The following EYA3 variants were observed in gnomAD, a reference collection of about 807,000 sequenced individuals.
The protein encoded by EYA3 is protein phosphatase EYA3.
EYA3 carries 39 observed loss-of-function variants against 80.0 expected under a neutral mutation model. The ratio of observed to expected loss-of-function variants is 0.49; its 90% CI spans 0.38 to 0.64. The LOEUF (loss-of-function observed/expected upper bound fraction) is 0.64, where lower values mean the gene tolerates loss of function less well. EYA3 is among the 30% of genes least tolerant of loss of function. EYA3 has a pLI of 0.00. For missense variants in EYA3, 523 were observed against 676.1 expected (o/e 0.77, Z 2.51); for synonymous variants, 206 against 232.8 (o/e 0.88, Z 1.05).
intron 16 of EYA3, among the ~76,000 whole-genome samples, chr1:27,984,116 C>T (rs148281531): frequency 6.6e-6 from 1 of 152,298 alleles, no homozygotes; most frequent in African/African-American, 2.4e-5. Flanking sequence ...TCACTGCAGC[C>T]TCCTTGAACT....
intron 7 of EYA3, 71 bp downstream of exon 7, chr1:28,027,718 G>A: frequency 6.3e-7 from 1 of 1,583,118 alleles, no homozygotes; most frequent in Non-Finnish European, 8.7e-7. Context: ...TTTGTTTGGA[G>A]ATACAGGTAG....
At chr1:27,990,035 G>A in intron 14 of EYA3, 1 of 215,110 alleles carries the variant, frequency 4.6e-6, no homozygotes, top group Non-Finnish European at 9.3e-6. Context: ...ATATAGGGGT[G>A]GGGTCAAAAG....
At chr1:27,992,799 T>C (rs1406143166) in intron 14 of EYA3, among the ~76,000 whole-genome samples, 1 of 152,216 alleles carries the variant, frequency 6.6e-6, no homozygotes, top group Non-Finnish European at 1.5e-5. Context: ...GACATCACTT[T>C]TCTCAACTGT....
At chr1:28,025,085 C>G (rs1642693019) in intron 7 of EYA3, among the ~76,000 whole-genome samples, 1 of 152,126 alleles carries the variant, frequency 6.6e-6, no homozygotes. Context: ...CATTCACTAT[C>G]CATGCTAAAA....
intron 10 of EYA3, among the ~76,000 whole-genome samples, chr1:28,007,583 T>C (rs1188117690): frequency 6.6e-6 from 1 of 152,018 alleles, no homozygotes; most frequent in Admixed American, 6.6e-5. Context: ...TCTGCCCACC[T>C]CAGCCTCCCA....
chr1:28,064,828 T>G (rs1408429419), intron 1 of EYA3, among the ~76,000 whole-genome samples: 1 of 152,092 alleles, frequency 6.6e-6, no homozygotes, highest in Non-Finnish European at 1.5e-5. Flanking sequence ...AAATTTTGTC[T>G]CCACAACTAA....
intron 2 of EYA3, among the ~76,000 whole-genome samples, chr1:28,051,564 A>G (rs1049264942): frequency 6.6e-6 from 1 of 151,990 alleles, no homozygotes; most frequent in Non-Finnish European, 1.5e-5. Flanking sequence ...GTGCACGCCT[A>G]TAATCTCAGC....
intron 14 of EYA3, among the ~76,000 whole-genome samples, chr1:27,993,162 T>C (rs911393297): frequency 3.9e-5 from 6 of 152,198 alleles, no homozygotes; most frequent in African/African-American, 1.4e-4. Flanking sequence ...TAAAAAGGCA[T>C]TTGTCCAAAG....
intron 1 of EYA3, among the ~76,000 whole-genome samples, chr1:28,078,609 G>C (rs1377466449): frequency 2.0e-5 from 3 of 152,084 alleles, no homozygotes; most frequent in African/African-American, 7.2e-5. Flanking sequence ...GCAGTGGCAT[G>C]ATCTCAGCTC....
intron 1 of EYA3, among the ~76,000 whole-genome samples, chr1:28,084,181 A>T (rs958565754): frequency 6.6e-6 from 1 of 152,100 alleles, no homozygotes; most frequent in African/African-American, 2.4e-5. Flanking sequence ...GAAAACAGCA[A>T]AGACAAATTT....
rs545741282 is a variant in EYA3 at position 27,989,365 on chromosome 1, A to G, written c.1418+332T>C. ...ACATTTCTTGGAGCTTCCTGTACCT[A>G]GGACATTGTAATAACATCTCCTCCA... On this transcript the variant is annotated intron_variant, in intron 15 of 17. Transcript: ENST00000373871. Among the ~76,000 whole-genome samples, 36 of 152,322 alleles carry G rather than the reference A, an allele frequency of 2.4e-4. No homozygotes were observed. The Middle Eastern group carries it at 0.01, about 43-fold the overall frequency.
chr1:27,977,279 A>G (rs1190434090), intron 17 of EYA3: 1 of 1,547,754 alleles, frequency 6.5e-7, no homozygotes. Context: ...CTGATTACCA[A>G]TCTCATAGTT....
At chr1:27,995,421 GAAAAA>G (rs55902170) in intron 13 of EYA3, among the ~76,000 whole-genome samples, 1 of 79,196 alleles carries the variant, frequency 1.3e-5, no homozygotes. Context: ...ATCTTAAAAG[GAAAAA>G]AAAAAAAAAA....
chr1:28,033,657 A>ATTTTTT (rs1267286529), intron 6 of EYA3, among the ~76,000 whole-genome samples: 1 of 125,838 alleles, frequency 7.9e-6, no homozygotes, highest in African/African-American at 2.9e-5. Context: ...TATTATTATT[A>ATTTTTT]TTATTATTAT....
intron 7 of EYA3, among the ~76,000 whole-genome samples, chr1:28,019,451 G>T (rs901009695): frequency 2.0e-5 from 3 of 152,092 alleles, no homozygotes; most frequent in Admixed American, 2.0e-4. Flanking sequence ...CTCTGTAAAT[G>T]GTTTTAACCA....
Position 28,013,288 on chromosome 1 carries a change from G to T in EYA3, c.592C>A (p.Pro198Thr), listed in dbSNP as rs1377965827. ...AVASISNQDY[P>T]TYTILGQNQY... ...TTCTGACCAAGAATAGTATAGGTGGGATAATCCTGCAGGCCAAAGGAAATA... is the reference window on the plus strand; with the variant it reads ...TTCTGACCAAGAATAGTATAGGTGGTATAATCCTGCAGGCCAAAGGAAATA... Residue 198 changes from proline to threonine, a missense_variant, in exon 9 of 18, where the codon CCC (proline) becomes ACC (threonine). By Grantham distance (38) the Pro-to-Thr change is conservative. Coordinates refer to ENST00000373871, the MANE Select transcript of EYA3 (RefSeq NM_001990.4). The surrounding 1 kb of genome is among the most constrained non-coding windows in gnomAD (Gnocchi z 4.0). 2.5e-6 allele frequency: 4 copies of T among 1,609,112 alleles called. No individual in the cohort carries two copies. The Admixed American group carries it at 6.8e-5, about 27-fold the overall frequency.
At chr1:28,006,844 T>C (rs557856664) in intron 10 of EYA3, among the ~76,000 whole-genome samples, 304 of 152,086 alleles carry the variant, frequency 2.0e-3, no homozygotes, top group Middle Eastern at 0.017. Flanking sequence ...GTACTGGAAG[T>C]TCTAGCCAGA....
Position 28,035,611 on chromosome 1 carries a change from T to C in EYA3, c.294A>G (p.Thr98=), listed in dbSNP as rs1321642833. The stretch of plus-strand genomic sequence containing the variant: ...CAGCATAGGGTTGAGTCTGCTGTAG[T>C]GTCTGGTATTGAGTCTGTCCAGGGT... The part of the protein sequence containing the change: ...TAYPGQTQYQ[T]LQQTQPYAVY... Residue 98 remains threonine (T), a synonymous_variant, in exon 6 of 18, where the codon ACA becomes ACG. Coordinates refer to ENST00000373871, the MANE Select transcript of EYA3 (RefSeq NM_001990.4). The C allele has an allele frequency of 3.1e-6, 5 of 1,614,010 alleles. No homozygotes were observed. The highest frequency in any genetic ancestry group is 1.1e-5 in the South Asian group (1 of 91,082).
At chr1:28,004,719 T>C (rs561708342) in intron 10 of EYA3, among the ~76,000 whole-genome samples, 1 of 152,014 alleles carries the variant, frequency 6.6e-6, no homozygotes, top group African/African-American at 2.4e-5. Flanking sequence ...ATGTATTTTA[T>C]ACATACATTA....
Sources: gnomAD v4.1 joint callset for allele counts (sites outside exome capture counted in the v4.1 genomes callset) on GRCh38, gnomAD v4.1.1 for gene constraint, Gnocchi (gnomAD v3.1) non-coding constraint, MANE v1.5 for transcripts, NCBI Gene and HGNC (gene_info 2026-07-23, HGNC 2026-07-21) for gene names.